Variants in FOXP2 observed in about 807,000 individuals in gnomAD.
FOXP2 encodes the protein forkhead box protein P2.
A neutral mutation model predicts 115.8 loss-of-function variants in FOXP2; 12 were observed. The ratio of observed to expected loss-of-function variants is 0.10; its 90% CI spans 0.07 to 0.17. FOXP2 has a LOEUF of 0.17. Ranked by LOEUF, FOXP2 falls within the 10% of genes least tolerant of loss-of-function variation. The pLI, the probability that FOXP2 is intolerant of heterozygous loss-of-function variation, is 1.00. For synonymous variants in FOXP2, 328 were observed against 297.7 expected (o/e 1.10, Z -1.05); for missense variants, 629 against 843.5 (o/e 0.75, Z 3.15).
rs569617276 is a variant in FOXP2 at position 114,535,593 on chromosome 7, C to G, written c.258+887C>G. On this transcript the variant is annotated intron_variant, in intron 3 of 16. Transcript: ENST00000350908. ...CTGTTTTTATTTTCAGGTGTACTTA[C>G]AGATGTTAGTAACTAAGTCTTACAT... Among the ~76,000 whole-genome samples the G allele has an allele frequency of 4.0e-5, 6 of 151,568 alleles. No homozygotes were observed. In the East Asian group the frequency reaches 1.2e-3, roughly 29 times the overall value.
At chr7:114,147,468 A>G (rs1045689633) in intron 1 of FOXP2, among the ~76,000 whole-genome samples, 26 of 152,094 alleles carry the variant, frequency 1.7e-4, no homozygotes, top group Non-Finnish European at 3.5e-4. Flanking sequence ...CAGACAAAGT[A>G]CCCTTGATCC....
intron 2 of FOXP2, among the ~76,000 whole-genome samples, chr7:114,504,953 C>T (rs1215123119): frequency 6.6e-6 from 1 of 151,598 alleles, no homozygotes; most frequent in Non-Finnish European, 1.5e-5. Context: ...AGTCTCCAGA[C>T]ACAATTAGTT....
chr7:114,412,873 C>T (rs538385766), upstream of FOXP2, among the ~76,000 whole-genome samples: 55 of 152,040 alleles, frequency 3.6e-4, no homozygotes, highest in Admixed American at 1.4e-3. Context: ...TATTGTTTGT[C>T]CTTGTTGACC....
At chr7:114,592,214 T>G (rs567094805) in intron 3 of FOXP2, among the ~76,000 whole-genome samples, 52 of 152,192 alleles carry the variant, frequency 3.4e-4, no homozygotes, top group Non-Finnish European at 7.1e-4. Flanking sequence ...TATTGGTGGA[T>G]AAATTATTTC....
intron 1 of FOXP2, among the ~76,000 whole-genome samples, chr7:114,195,501 G>C (rs964199614): frequency 6.6e-6 from 1 of 152,044 alleles, no homozygotes; most frequent in Non-Finnish European, 1.5e-5. Context: ...TAATGTATTA[G>C]ATGTTGTTAT....
chr7:114,526,991 A>ATTTTTTT (rs200748852), intron 2 of FOXP2, among the ~76,000 whole-genome samples: 3 of 128,846 alleles, frequency 2.3e-5, no homozygotes, highest in African/African-American at 2.9e-5. Flanking sequence ...CCACTAATCT[A>ATTTTTTT]TTTTTTTTTT....
intron 3 of FOXP2, among the ~76,000 whole-genome samples, chr7:114,592,166 TATC>T (rs1372992238): frequency 1.3e-5 from 2 of 152,130 alleles, no homozygotes; most frequent in Middle Eastern, 3.2e-3. Context: ...AAATTTAAAT[TATC>T]ATTACATGAA....
chr7:114,275,106 A>G (rs770564731), intron 1 of FOXP2, among the ~76,000 whole-genome samples: 1 of 149,486 alleles, frequency 6.7e-6, no homozygotes, highest in African/African-American at 2.5e-5. Flanking sequence ...TTCTTTGAGT[A>G]TCTGTAGTTT....
chr7:114,410,268 G>A (rs917442103), upstream of FOXP2, among the ~76,000 whole-genome samples: 1 of 152,048 alleles, frequency 6.6e-6, no homozygotes, highest in Admixed American at 6.6e-5. Flanking sequence ...GACTAGATCG[G>A]ATTTTACTAT....
chr7:114,542,107 C>T (rs765464081), intron 3 of FOXP2, among the ~76,000 whole-genome samples: 5 of 151,962 alleles, frequency 3.3e-5, no homozygotes, highest in Admixed American at 3.3e-4. Flanking sequence ...ACCCACCTTC[C>T]ACATTTCTAT....
chr7:114,278,485 G>A (rs1796247980), intron 1 of FOXP2, among the ~76,000 whole-genome samples: 1 of 151,908 alleles, frequency 6.6e-6, no homozygotes, highest in African/African-American at 2.4e-5. Context: ...CTCCCGAGTA[G>A]CTGGGATTAC....
At position 114,194,872 on chromosome 7, in the gene FOXP2, A is replaced by G. The variant is rs1047880436; in HGVS notation, c.-102+31784A>G. 3.9e-5 allele frequency among the ~76,000 whole-genome samples: 6 copies of G among 152,334 alleles called. No homozygotes were observed. The East Asian group carries it at 1.2e-3, about 29-fold the overall frequency. On this transcript the variant is annotated intron_variant, in intron 1 of 17. Coordinates refer to the FOXP2 transcript ENST00000634411. ...TTATAATACTATTAAGAACACAGATATAGGACATAATAAATAAGAGATTAT... is the reference window on the plus strand; with the variant it reads ...TTATAATACTATTAAGAACACAGATGTAGGACATAATAAATAAGAGATTAT...
chr7:114,341,270 TAA>T (rs2129184339), intron 2 of FOXP2, among the ~76,000 whole-genome samples: 1 of 151,394 alleles, frequency 6.6e-6, no homozygotes, highest in East Asian at 1.9e-4. Flanking sequence ...AAAATATGCC[TAA>T]ATGCAATGTT....
chr7:114,621,614 T>C (rs1031263595), intron 3 of FOXP2, among the ~76,000 whole-genome samples: 1 of 152,026 alleles, frequency 6.6e-6, no homozygotes, highest in African/African-American at 2.4e-5. Flanking sequence ...CAACTCCAAG[T>C]GCAGTGAGAG....
At chr7:114,386,092 C>G (rs1027855191) in intron 2 of FOXP2, among the ~76,000 whole-genome samples, 1 of 152,158 alleles carries the variant, frequency 6.6e-6, no homozygotes, top group Non-Finnish European at 1.5e-5. Context: ...GGAGTCTCGC[C>G]GTATCAGGAG....
intron 1 of FOXP2, among the ~76,000 whole-genome samples, chr7:114,201,190 G>T (rs938520976): frequency 6.6e-6 from 1 of 152,040 alleles, no homozygotes; most frequent in South Asian, 2.1e-4. Context: ...ACCTAATTTG[G>T]CTGGGCATGC....
At chr7:114,143,726 A>T (rs1193659208) in intron 1 of FOXP2, among the ~76,000 whole-genome samples, 5 of 152,192 alleles carry the variant, frequency 3.3e-5, no homozygotes, top group Non-Finnish European at 7.4e-5. Flanking sequence ...TCAAAGAAGG[A>T]AAGTATAATC....
At chr7:114,490,544 G>A (rs1340597028) in intron 2 of FOXP2, among the ~76,000 whole-genome samples, 1 of 151,862 alleles carries the variant, frequency 6.6e-6, no homozygotes. Context: ...TAGGGTACAT[G>A]TGCACAATGT....
chr7:114,335,721 C>A (rs369540826), intron 2 of FOXP2, among the ~76,000 whole-genome samples: 1 of 151,706 alleles, frequency 6.6e-6, no homozygotes, highest in East Asian at 1.9e-4. Context: ...TTAAAGGGTT[C>A]ATTAATCTGA....
Sources: allele counts gnomAD v4.1 joint callset (sites outside exome capture counted in the v4.1 genomes callset), GRCh38; gene constraint gnomAD v4.1.1; transcripts MANE v1.5; gene names NCBI Gene and HGNC (gene_info 2026-07-23, HGNC 2026-07-21).